Variants in PHLDB2 observed in about 807,000 individuals in gnomAD.
PHLDB2 encodes pleckstrin homology like domain family B member 2, also known as pleckstrin homology-like domain family B member 2.
A neutral mutation model predicts 123.6 loss-of-function variants in PHLDB2; 71 were observed. That is an observed-to-expected ratio of 0.57 (90% CI 0.47 to 0.70). The LOEUF (loss-of-function observed/expected upper bound fraction) is 0.70, where lower values mean the gene tolerates loss of function less well. PHLDB2 is among the 30% of genes least tolerant of loss of function. The pLI, the probability that PHLDB2 is intolerant of heterozygous loss-of-function variation, is 0.00. For missense variants in PHLDB2, 1,446 were observed against 1,519.5 expected, an observed-to-expected ratio of 0.95 and a Z score of 0.80; for synonymous variants, 547 against 541.6, an observed-to-expected ratio of 1.01 and a Z score of -0.14.
At chr3:111,762,806 C>T (rs2060017404) in intron 1 of PHLDB2, among the ~76,000 whole-genome samples, 1 of 152,050 alleles carries the variant, frequency 6.6e-6, no homozygotes, top group African/African-American at 2.4e-5. Flanking sequence ...AATATGACTT[C>T]ATGTGCAAAA....
At chr3:111,836,492 C>T (rs986175751) in intron 1 of PHLDB2, among the ~76,000 whole-genome samples, 1 of 152,148 alleles carries the variant, frequency 6.6e-6, no homozygotes, top group Non-Finnish European at 1.5e-5. Context: ...GGATGTAGAT[C>T]TGTAGCTCAG....
intron 1 of PHLDB2, among the ~76,000 whole-genome samples, chr3:111,821,446 G>C (rs2062375883): frequency 1.3e-5 from 2 of 152,158 alleles, no homozygotes; most frequent in South Asian, 4.1e-4. Context: ...AAATCTGGAG[G>C]GTAGGTCAGC....
chr3:111,773,945 G>A (rs1393564496), intron 1 of PHLDB2, among the ~76,000 whole-genome samples: 2 of 152,146 alleles, frequency 1.3e-5, no homozygotes, highest in Non-Finnish European at 2.9e-5. Context: ...CGTAACAGCA[G>A]GTACCAGGAA....
chr3:111,851,704 G>A (rs778116187), intron 2 of PHLDB2, among the ~76,000 whole-genome samples: 5 of 151,936 alleles, frequency 3.3e-5, no homozygotes, highest in Non-Finnish European at 4.4e-5. Context: ...CTGTTGTCCC[G>A]CAGCAAGAAG....
rs534003709 is a variant in PHLDB2 at position 111,923,911 on chromosome 3, G to A, written c.2001+3492G>A. Among the ~76,000 whole-genome samples the A allele has an allele frequency of 2.6e-3, 391 of 152,286 alleles. 2 individuals are homozygous for A. Among genetic ancestry groups the A allele is most frequent in the African/African-American group, 9.3e-3 (385 of 41,556 alleles). On this transcript the variant is annotated intron_variant, in intron 5 of 17. Coordinates refer to ENST00000431670, the MANE Select transcript of PHLDB2 (RefSeq NM_001134438.2). ...TCACAGCAGCCAATGTGATTAAAAA[G>A]AAGAAATTAGACCATATTACTGTGG...
At chr3:111,926,807 G>A (rs1051325423) in intron 5 of PHLDB2, among the ~76,000 whole-genome samples, 3 of 152,124 alleles carry the variant, frequency 2.0e-5, no homozygotes, top group African/African-American at 7.2e-5. Context: ...AAGTAATTTT[G>A]TAAGGTTGAA....
chr3:111,960,134 C>A, intron 12 of PHLDB2: 1 of 835,210 alleles, frequency 1.2e-6, no homozygotes, highest in South Asian at 5.5e-5. Flanking sequence ...TAATTGGAAA[C>A]AACTTAAAAG....
intron 2 of PHLDB2, among the ~76,000 whole-genome samples, chr3:111,849,038 GC>G (rs2064135793): frequency 6.6e-6 from 1 of 152,276 alleles, no homozygotes; most frequent in Non-Finnish European, 1.5e-5. Flanking sequence ...CTCAAGCAAT[GC>G]CCGACTGTAT....
chr3:111,877,834 C>T (rs1218161090), intron 1 of PHLDB2, among the ~76,000 whole-genome samples: 1 of 152,084 alleles, frequency 6.6e-6, no homozygotes, highest in Non-Finnish European at 1.5e-5. Flanking sequence ...ATCCTTTCCC[C>T]ATTGCTTGTT....
intron 2 of PHLDB2, among the ~76,000 whole-genome samples, chr3:111,852,556 A>T (rs1244808172): frequency 6.6e-6 from 1 of 152,038 alleles, no homozygotes; most frequent in Non-Finnish European, 1.5e-5. Flanking sequence ...CAACAGAGAG[A>T]AGAGAAGCTG....
intron 1 of PHLDB2, among the ~76,000 whole-genome samples, chr3:111,871,954 T>G (rs549266048): frequency 6.6e-6 from 1 of 152,254 alleles, no homozygotes; most frequent in Non-Finnish European, 1.5e-5. Context: ...TGACTTTCTG[T>G]GGATATCTTC....
In PHLDB2 at chr3:111,758,198, C is replaced by A. The variant is rs533499946; in HGVS notation, c.-49+25495C>A. 1.3e-4 allele frequency among the ~76,000 whole-genome samples: 20 copies of A among 152,192 alleles called. No homozygotes were observed. The South Asian group carries it at 2.1e-3, about 16-fold the overall frequency. The stretch of plus-strand genomic sequence containing the variant: ...TGTCTTTTTGTTTGTCTGTGCCCTG[C>A]CCCTAGAGGTGGAGCCTATAGAGGC... On this transcript the variant is annotated intron_variant, in intron 1 of 17. Coordinates refer to the PHLDB2 transcript ENST00000393923.
Position 111,952,666 on chromosome 3 carries a change from C to T in PHLDB2, c.2726C>T (p.Ser909Phe). 6.2e-7 allele frequency: 1 copy of T among 1,613,964 alleles called. No homozygotes were observed. Among genetic ancestry groups the T allele is most frequent in the South Asian group, 1.1e-5 (1 of 91,086 alleles). Residue 909 changes from serine (S) to phenylalanine (F), a missense_variant, in exon 11 of 18, where the codon TCC (serine) becomes TTC (phenylalanine). Ser to Phe is a radical substitution (Grantham distance 155, BLOSUM62 -2). Transcript: ENST00000431670. ...CGAAAGAAAACCACATCTTCCATCT[C>T]CCCACATTTCAGCAGTGCTACTATG... is the stretch of plus-strand genomic sequence containing the variant. ...LPRKKTTSSI[S>F]PHFSSATMGR...
intron 1 of PHLDB2, among the ~76,000 whole-genome samples, chr3:111,793,650 C>A (rs2061026671): frequency 6.6e-6 from 1 of 151,952 alleles, no homozygotes; most frequent in African/African-American, 2.4e-5. Context: ...GGGACTAGGT[C>A]TCATCCAATG....
intron 1 of PHLDB2, among the ~76,000 whole-genome samples, chr3:111,824,254 C>T (rs972104748): frequency 2.0e-5 from 3 of 152,160 alleles, no homozygotes; most frequent in African/African-American, 2.4e-5. Context: ...AATCTTACTC[C>T]GTATGAATTT....
intron 1 of PHLDB2, among the ~76,000 whole-genome samples, chr3:111,737,403 C>G (rs2059527988): frequency 1.3e-5 from 2 of 152,018 alleles, no homozygotes; most frequent in Admixed American, 1.3e-4. Context: ...GCAGGAGAAC[C>G]CATAGTTTTG....
chr3:111,963,659 T>C (rs2071562878), intron 13 of PHLDB2, among the ~76,000 whole-genome samples: 1 of 152,214 alleles, frequency 6.6e-6, no homozygotes, highest in Admixed American at 6.5e-5. Context: ...CCTATCATCC[T>C]ACAAATATTT....
chr3:111,881,530 G>A (rs2065925643), intron 1 of PHLDB2, among the ~76,000 whole-genome samples: 1 of 152,154 alleles, frequency 6.6e-6, no homozygotes, highest in South Asian at 2.1e-4. Flanking sequence ...TGAGTTCACT[G>A]CAGTAGCAAC....
chr3:111,853,092 C>A (rs1202938925), intron 2 of PHLDB2, among the ~76,000 whole-genome samples: 3 of 151,920 alleles, frequency 2.0e-5, no homozygotes, highest in African/African-American at 7.3e-5. Flanking sequence ...GTTATTTATA[C>A]TTTATCTATT....
Sources: gnomAD v4.1 joint callset for allele counts (sites outside exome capture counted in the v4.1 genomes callset) on GRCh38, gnomAD v4.1.1 for gene constraint, MANE v1.5 for transcripts, NCBI Gene and HGNC (gene_info 2026-07-23, HGNC 2026-07-21) for gene names.